Variants in GOLGB1 observed in about 807,000 individuals in gnomAD.
GOLGB1 encodes golgin subfamily B member 1.
In GOLGB1, 174 loss-of-function variants were observed where a neutral mutation model predicts 336.9. The ratio of observed to expected loss-of-function variants is 0.52; its 90% CI spans 0.46 to 0.59. The LOEUF (loss-of-function observed/expected upper bound fraction) is 0.59. Among genes scored for constraint, GOLGB1 ranks in the 20% least tolerant of loss-of-function variants. The pLI, the probability that GOLGB1 is intolerant of heterozygous loss-of-function variation, is 0.00. For missense variants in GOLGB1, 3,331 were observed against 3,645.3 expected (o/e 0.91, Z 2.22); for synonymous variants, 1,208 against 1,289.2 (o/e 0.94, Z 1.35).
At chr3:121,677,506 A>G (rs1576288755) in intron 15 of GOLGB1, 56 bp from the exon 16 acceptor site, 1 of 1,170,870 alleles carries the variant, frequency 8.5e-7, no homozygotes, top group East Asian at 2.3e-5. Context: ...TGGGCATGGT[A>G]GCTCGCACCT....
At position 121,693,791 on chromosome 3, in the gene GOLGB1, T is replaced by G; in HGVS notation, c.6732A>C (p.Gln2244His). The G allele has an allele frequency of 1.2e-6, 2 of 1,610,706 alleles. No homozygotes were observed. Among genetic ancestry groups the G allele is most frequent in the South Asian group, 1.1e-5 (1 of 90,990 alleles). Residue 2244 changes from glutamine to histidine, a missense_variant, in exon 13 of 22, where the codon CAA (glutamine) becomes CAC (histidine). Transcript: ENST00000614479. ...KEDNCSVLKDQLRQMSIHMEE... is the reference protein window; with the variant it reads ...KEDNCSVLKDHLRQMSIHMEE... ...CCATATGGATGGACATCTGTCTAAGTTGATCCTTTAGAACACTGCAATTAT... is the reference window on the plus strand; with the variant it reads ...CCATATGGATGGACATCTGTCTAAGGTGATCCTTTAGAACACTGCAATTAT...
intron 10 of GOLGB1, among the ~76,000 whole-genome samples, chr3:121,704,895 AC>A (rs1324474498): frequency 1.3e-5 from 2 of 152,156 alleles, no homozygotes; most frequent in East Asian, 1.9e-4. Context: ...TAAGAAAAAA[AC>A]TAAGAAAATT....
In GOLGB1 at chr3:121,694,185, T is replaced by C; in HGVS notation, c.6338A>G (p.Asn2113Ser). The change falls in exon 13 of 22, where the codon AAT becomes AGT. Residue 2113 changes from asparagine (N) to serine (S), a missense_variant. Asn to Ser is a conservative substitution (Grantham distance 46). Transcript: ENST00000614479. Reference protein sequence around the residue: ...NLKLKKELQSNKESVKSQMKQ... With the variant: ...NLKLKKELQSSKESVKSQMKQ... ...CATCTGGCTTTTAACTGATTCTTTA[T>C]TTGACTGAAGTTCCTTTTTCAACTT... 3.1e-6 allele frequency: 5 copies of C among 1,613,362 alleles called. No individual in the cohort carries two copies. Among genetic ancestry groups the C allele is most frequent in the Non-Finnish European group, 3.4e-6 (4 of 1,179,998 alleles).
At position 121,695,171 on chromosome 3, in the gene GOLGB1, A is replaced by G. The variant is rs1202880208; in HGVS notation, c.5352T>C (p.His1784=). 19 of 1,612,480 alleles carry G rather than the reference A, an allele frequency of 1.2e-5. No individual in the cohort carries two copies. Among genetic ancestry groups the G allele is most frequent in the Non-Finnish European group, 1.6e-5 (19 of 1,179,566 alleles). Residue 1784 remains histidine, a synonymous_variant, in exon 13 of 22, where the codon CAT becomes CAC. Coordinates refer to ENST00000614479, the MANE Select transcript of GOLGB1 (RefSeq NM_001366282.2). The stretch of plus-strand genomic sequence containing the variant: ...CTTCAGTGACATTCGTTTGGTTATC[A>G]TGTTTCTCGGTGGCCTCTAGGTTAG... The part of the protein sequence containing the change: ...KQANLEATEK[H]DNQTNVTEEG...
Position 121,730,954 on chromosome 3 carries a change from T to G in GOLGB1, c.18A>C (p.Ser6=), listed in dbSNP as rs749673364. 6 of 1,612,840 alleles carry G rather than the reference T, an allele frequency of 3.7e-6. No homozygotes were observed. Among genetic ancestry groups the G allele is most frequent in the Non-Finnish European group, 5.1e-6 (6 of 1,179,654 alleles). Residue 6 remains serine (S), a synonymous_variant, in exon 2 of 22, where the codon TCA becomes TCC. Coordinates refer to ENST00000614479, the MANE Select transcript of GOLGB1 (RefSeq NM_001366282.2). MLSRL[S]GLANVVLHEL... ...CATGCAAAACAACATTTGCTAATCC[T>G]GATAATCGGCTCAGCATTTCTGTAG...
intron 14 of GOLGB1, among the ~76,000 whole-genome samples, chr3:121,682,989 G>A (rs1416763368): frequency 6.6e-6 from 1 of 151,414 alleles, no homozygotes; most frequent in Non-Finnish European, 1.5e-5. Context: ...ATGGGGGTGG[G>A]AGGGAGGTGA....
Position 121,692,216 on chromosome 3 carries a change from T to G in GOLGB1, c.7148A>C (p.Asn2383Thr). The G allele has an allele frequency of 6.3e-7, 1 of 1,598,258 alleles. No individual in the cohort carries two copies. Among genetic ancestry groups the G allele is most frequent in the Non-Finnish European group, 8.5e-7 (1 of 1,175,428 alleles). ...GCTTATAATCTTTTGCTCTTTCATA[T>G]TTATTTCTTCATGCAGCCTACTGGT... Reference protein sequence around the residue: ...ELTSRLHEEINMKEQKIISLL... With the variant: ...ELTSRLHEEITMKEQKIISLL... Residue 2383 changes from asparagine (N) to threonine (T), a missense_variant, in exon 14 of 22, where the codon AAT becomes ACT. Asn to Thr is a moderately conservative substitution (Grantham distance 65). Coordinates refer to ENST00000614479, the MANE Select transcript of GOLGB1 (RefSeq NM_001366282.2).
At chr3:121,690,517 T>C (rs1045308069) in intron 14 of GOLGB1, among the ~76,000 whole-genome samples, 153 bp downstream of exon 14, 2 of 152,236 alleles carry the variant, frequency 1.3e-5, no homozygotes, top group African/African-American at 4.8e-5. Flanking sequence ...TGTGCTTCTC[T>C]AAGACCAAAC....
intron 1 of GOLGB1, among the ~76,000 whole-genome samples, chr3:121,747,150 TTATATATATATATA>T (rs548032779): frequency 0.13 from 6,535 of 49,626 alleles, 370 homozygotes; most frequent in East Asian, 0.21. Flanking sequence ...TACATGGATG[TTATATATATATATA>T]TATATATATA....
At chr3:121,683,963 G>C (rs1475039969) in intron 14 of GOLGB1, among the ~76,000 whole-genome samples, 1 of 151,110 alleles carries the variant, frequency 6.6e-6, no homozygotes, top group East Asian at 1.9e-4. Flanking sequence ...CCCTGTCTCT[G>C]TTAAAAATAT....
rs149804295 is a variant in GOLGB1, at chr3:121,690,263, A to T, written c.8694+407T>A. Among the ~76,000 whole-genome samples the T allele has an allele frequency of 3.3e-5, 5 of 152,300 alleles. No individual in the cohort carries two copies. The East Asian group carries it at 9.6e-4, about 29-fold the overall frequency. ...ACCAGATAATCTATTGCTAAATTGT[A>T]AACAAGACACTAAATGATCCTTATA... On this transcript the variant is annotated intron_variant, in intron 14 of 21. Transcript: ENST00000614479.
intron 11 of GOLGB1, among the ~76,000 whole-genome samples, chr3:121,700,486 A>G (rs762591034): frequency 1.3e-5 from 2 of 152,066 alleles, no homozygotes; most frequent in African/African-American, 2.4e-5. Flanking sequence ...ATCCTCAAGA[A>G]GCTTATATTC....
In GOLGB1 at chr3:121,695,112, T is replaced by C; in HGVS notation, c.5411A>G (p.Glu1804Gly). Residue 1804 changes from glutamate to glycine, a missense_variant, in exon 13 of 22, where the codon GAG (glutamate) becomes GGG (glycine). By Grantham distance (98) the Glu-to-Gly change is moderately conservative. Transcript: ENST00000614479. ...TGTGCTCATACTCAGAGAGTCTTGC[T>C]CTTCAGTCTCACCTGGTATAGACTG... ...GTQSIPGETE[E>G]QDSLSMSTRP... The C allele has an allele frequency of 6.2e-7, 1 of 1,614,068 alleles. No homozygotes were observed. The highest frequency in any genetic ancestry group is 1.1e-5 in the South Asian group (1 of 91,070).
intron 13 of GOLGB1, among the ~76,000 whole-genome samples, chr3:121,693,313 C>A (rs1044556372): frequency 8.5e-5 from 13 of 152,070 alleles, no homozygotes; most frequent in African/African-American, 2.9e-4. Flanking sequence ...ATGGTGAAAC[C>A]CCCTCTCTAC....
Position 121,696,308 on chromosome 3 carries a change from G to A in GOLGB1, c.4215C>T (p.Leu1405=). ...TAACGTCTTCTTCCTTTTTGCTTAT[G>A]AGTTTTTGCAGTTCATCCAGTTTAG... ...LQPKLDELQK[L]ISKKEEDVSY... The change falls in exon 13 of 22, where the codon CTC becomes CTT. Residue 1405 remains leucine, a synonymous_variant. Transcript: ENST00000614479. 6.2e-7 allele frequency: 1 copy of A among 1,613,966 alleles called. No individual in the cohort carries two copies. The highest frequency in any genetic ancestry group is 8.5e-7 in the Non-Finnish European group (1 of 1,179,958).
intron 12 of GOLGB1, among the ~76,000 whole-genome samples, chr3:121,699,247 A>T (rs1308981152): frequency 1.3e-5 from 2 of 152,220 alleles, no homozygotes; most frequent in Non-Finnish European, 2.9e-5. Context: ...GATTTTTTTT[A>T]AAAAGTAAGC....
At chr3:121,693,005 TGA>T (rs1942593699) in intron 13 of GOLGB1, among the ~76,000 whole-genome samples, 2 of 152,182 alleles carry the variant, frequency 1.3e-5, no homozygotes, top group African/African-American at 4.8e-5. Flanking sequence ...ATACAAAGGA[TGA>T]GAGACATTAT....
chr3:121,714,786 C>A (rs1944625537), intron 10 of GOLGB1, 75 bp downstream of exon 10: 4 of 959,454 alleles, frequency 4.2e-6, no homozygotes, highest in Non-Finnish European at 6.8e-6. Context: ...TGGAATAAAT[C>A]CTCATTAGAG....
Position 121,694,252 on chromosome 3 carries a change from C to A in GOLGB1, c.6271G>T (p.Asp2091Tyr). Residue 2091 changes from aspartate (D) to tyrosine (Y), a missense_variant, in exon 13 of 22, where the codon GAC becomes TAC. Coordinates refer to ENST00000614479, the MANE Select transcript of GOLGB1 (RefSeq NM_001366282.2). ...ELASFKVLLD[D>Y]TQSEAARVLA... ...ACCCTTGCTGCTTCACTTTGAGTGT[C>A]ATCTAGCAGGACTTTGAAGCTAGCT... The A allele has an allele frequency of 1.2e-6, 2 of 1,610,462 alleles. No homozygotes were observed. The highest frequency in any genetic ancestry group is 1.7e-6 in the Non-Finnish European group (2 of 1,180,006).
Sources: allele counts gnomAD v4.1 joint callset (sites outside exome capture counted in the v4.1 genomes callset), GRCh38; gene constraint gnomAD v4.1.1; transcripts MANE v1.5; gene names NCBI Gene and HGNC (gene_info 2026-07-23, HGNC 2026-07-21).